NPAS3: variants seen among roughly 807,000 people sequenced by gnomAD.
NPAS3 encodes neuronal PAS domain protein 3, also known as neuronal PAS domain-containing protein 3.
Under a neutral mutation model 73.1 loss-of-function variants are expected in NPAS3, and 14 were observed. That is an observed-to-expected ratio of 0.19 (90% CI 0.13 to 0.30). The LOEUF (loss-of-function observed/expected upper bound fraction) is 0.30. NPAS3 is among the 10% of genes least tolerant of loss of function. The pLI, the probability that NPAS3 is intolerant of heterozygous loss-of-function variation, is 1.00. For synonymous variants in NPAS3, 620 were observed against 541.5 expected (o/e 1.14, Z -2.01); for missense variants, 1,096 against 1,250.0 (o/e 0.88, Z 1.86).
chr14:33,143,658 T>A (rs1184208024), intron 2 of NPAS3, among the ~76,000 whole-genome samples: 1 of 152,200 alleles, frequency 6.6e-6, no homozygotes, highest in Admixed American at 6.5e-5. Flanking sequence ...CACCTCTATC[T>A]AGTTCTAAAA....
intron 5 of NPAS3, among the ~76,000 whole-genome samples, chr14:33,662,755 A>G (rs191241916): frequency 9.4e-5 from 14 of 149,540 alleles, no homozygotes; most frequent in Non-Finnish European, 1.8e-4. Context: ...CTGTTTGTCT[A>G]TTATTGGTGT....
intron 4 of NPAS3, among the ~76,000 whole-genome samples, chr14:33,533,976 T>C (rs181462804): frequency 2.6e-4 from 40 of 152,258 alleles, no homozygotes; most frequent in Non-Finnish European, 5.1e-4. Context: ...TGTTTATGCT[T>C]TAAAAAATAA....
chr14:32,966,755 C>T lies in NPAS3; in HGVS notation c.50+27389C>T, dbSNP rs532349052. Among the ~76,000 whole-genome samples the T allele has an allele frequency of 7.2e-5, 9 of 125,272 alleles. No homozygotes were observed. The East Asian group carries it at 1.8e-3, about 25-fold the overall frequency. The allele number at this position is 125,272 out of a possible 152,430, so 82.2% of individuals were successfully genotyped here. A position where few individuals can be genotyped will look rare whatever the true frequency, so the allele number is the denominator to read the frequency against. ...ACTGCAGTCCGCAGTCCGGCCTGGG[C>T]GACAGAGCGAGACTCCGTCTCAAAA... On this transcript the variant is annotated intron_variant, in intron 1 of 11. Transcript: ENST00000356141.
At chr14:33,129,233 G>A (rs1180919975) in intron 2 of NPAS3, among the ~76,000 whole-genome samples, 6 of 152,040 alleles carry the variant, frequency 3.9e-5, no homozygotes, top group Non-Finnish European at 8.8e-5. Context: ...ATTTATTAAT[G>A]TATCTCTTTT....
At chr14:33,502,026 T>C (rs2052541874) in intron 4 of NPAS3, among the ~76,000 whole-genome samples, 1 of 151,854 alleles carries the variant, frequency 6.6e-6, no homozygotes, top group African/African-American at 2.4e-5. Context: ...CATCCAAAAA[T>C]TAATTTCAAG....
At chr14:33,263,282 G>A (rs560720763) in intron 3 of NPAS3, among the ~76,000 whole-genome samples, 202 of 152,236 alleles carry the variant, frequency 1.3e-3, no homozygotes, top group African/African-American at 4.6e-3. Context: ...AATCCATCTT[G>A]AATTAATTTT....
At chr14:33,429,228 C>T (rs1010982499) in intron 4 of NPAS3, among the ~76,000 whole-genome samples, 3 of 152,102 alleles carry the variant, frequency 2.0e-5, no homozygotes, top group African/African-American at 4.8e-5. Context: ...ATGTAAAATA[C>T]ATAATAATGT....
chr14:33,250,946 A>T (rs1297463334), intron 3 of NPAS3, among the ~76,000 whole-genome samples: 1 of 152,112 alleles, frequency 6.6e-6, no homozygotes, highest in Non-Finnish European at 1.5e-5. Context: ...GCACAAATAG[A>T]TGTATTTATA....
chr14:33,746,191 A>ATTTTTTT (rs1386290214), intron 7 of NPAS3, among the ~76,000 whole-genome samples: 1 of 149,286 alleles, frequency 6.7e-6, no homozygotes, highest in African/African-American at 2.5e-5. Context: ...TTATTTATTT[A>ATTTTTTT]TTTATTTATT....
At chr14:33,731,170 T>C (rs901536968) in intron 6 of NPAS3, among the ~76,000 whole-genome samples, 1 of 152,104 alleles carries the variant, frequency 6.6e-6, no homozygotes, top group Non-Finnish European at 1.5e-5. Context: ...GGCTCACACC[T>C]GTAATCTCAG....
chr14:33,164,598 C>A (rs2045049855), intron 2 of NPAS3, among the ~76,000 whole-genome samples: 1 of 151,890 alleles, frequency 6.6e-6, no homozygotes, highest in African/African-American at 2.4e-5. Flanking sequence ...ATAATAATGG[C>A]AACTAGTGTT....
intron 4 of NPAS3, among the ~76,000 whole-genome samples, chr14:33,530,324 G>A (rs1310745861): frequency 6.6e-6 from 1 of 152,100 alleles, no homozygotes; most frequent in East Asian, 1.9e-4. Flanking sequence ...ATTCTGATAT[G>A]AATACAGTTA....
rs551771099 is a variant in NPAS3 at position 33,627,215 on chromosome 14, A to G, written c.559-48996A>G. Among the ~76,000 whole-genome samples the G allele has an allele frequency of 1.7e-4, 26 of 152,326 alleles. No homozygotes were observed. The East Asian group carries it at 4.1e-3, about 24-fold the overall frequency. ...GCATTGTTGAGGAAACGGAACTAAG[A>G]TAACAAATGTGAGATCATGAGGAGG... On this transcript the variant is annotated intron_variant, in intron 5 of 11. Coordinates refer to ENST00000356141, the Ensembl canonical transcript of NPAS3.
intron 5 of NPAS3, among the ~76,000 whole-genome samples, chr14:33,626,499 C>T (rs1955692906): frequency 6.6e-6 from 1 of 152,094 alleles, no homozygotes; most frequent in Admixed American, 6.6e-5. Context: ...AGCAATATTC[C>T]CCAGGGTGAT....
At chr14:32,956,900 G>T (rs1033458863) in intron 1 of NPAS3, among the ~76,000 whole-genome samples, 1 of 152,278 alleles carries the variant, frequency 6.6e-6, no homozygotes, top group Admixed American at 6.5e-5. Context: ...CTATAACACA[G>T]TTAGAAATTC....
chr14:33,664,240 A>G (rs1178481245), intron 5 of NPAS3, among the ~76,000 whole-genome samples: 1 of 152,202 alleles, frequency 6.6e-6, no homozygotes, highest in Non-Finnish European at 1.5e-5. Context: ...CTGATCTTTG[A>G]CAAACCTGAC....
intron 2 of NPAS3, among the ~76,000 whole-genome samples, chr14:33,077,179 T>G (rs2041687929): frequency 6.6e-6 from 1 of 152,036 alleles, no homozygotes; most frequent in Non-Finnish European, 1.5e-5. Flanking sequence ...GAGATAACAA[T>G]AAACAGGAAA....
At chr14:33,372,980 A>T (rs974487389) in intron 4 of NPAS3, among the ~76,000 whole-genome samples, 9 of 152,182 alleles carry the variant, frequency 5.9e-5, no homozygotes, top group Non-Finnish European at 1.0e-4. Context: ...TTTAATATGA[A>T]AAAGTACGCA....
chr14:33,183,587 A>T (rs2045882675), intron 2 of NPAS3, among the ~76,000 whole-genome samples: 1 of 151,660 alleles, frequency 6.6e-6, no homozygotes, highest in African/African-American at 2.4e-5. Flanking sequence ...GTCTGCCTAG[A>T]CAGACCCACA....
Sources: gnomAD v4.1 joint callset for allele counts (sites outside exome capture counted in the v4.1 genomes callset) on GRCh38, gnomAD v4.1.1 for gene constraint, MANE v1.5 for transcripts, NCBI Gene and HGNC (gene_info 2026-07-23, HGNC 2026-07-21) for gene names.